DPP6: variants seen among roughly 807,000 people sequenced by gnomAD.
DPP6 encodes the protein dipeptidyl peptidase like 6, also known as A-type potassium channel modulatory protein DPP6.
In DPP6, 69 loss-of-function variants were observed where a neutral mutation model predicts 122.6. The observed-to-expected ratio is 0.56, with a 90% CI of 0.46 to 0.69. The LOEUF (loss-of-function observed/expected upper bound fraction) is 0.69. Ranked by LOEUF, DPP6 falls within the 30% of genes least tolerant of loss-of-function variation. DPP6 has a pLI of 0.00. For synonymous variants in DPP6, 418 were observed against 433.1 expected (o/e 0.97, Z 0.43); for missense variants, 928 against 1,116.9 (o/e 0.83, Z 2.41).
chr7:154,355,845 G>A (rs1476840672), intron 1 of DPP6, among the ~76,000 whole-genome samples: 1 of 152,082 alleles, frequency 6.6e-6, no homozygotes, highest in East Asian at 1.9e-4. Context: ...TAAAATTTTA[G>A]AATCGGCTTG....
chr7:154,757,370 C>T (rs1176451856), intron 8 of DPP6, among the ~76,000 whole-genome samples: 2 of 152,232 alleles, frequency 1.3e-5, no homozygotes, highest in Non-Finnish European at 2.9e-5. Flanking sequence ...CAGCTGATGC[C>T]CACTGCCCAG....
intron 10 of DPP6, among the ~76,000 whole-genome samples, chr7:154,777,197 A>C (rs998098611): frequency 6.6e-6 from 1 of 152,164 alleles, no homozygotes; most frequent in African/African-American, 2.4e-5. Flanking sequence ...CTCACATTCC[A>C]AGAGGCCTGG....
At chr7:154,823,006 C>T (rs1399746964) in intron 16 of DPP6, among the ~76,000 whole-genome samples, 2 of 152,190 alleles carry the variant, frequency 1.3e-5, no homozygotes, top group Admixed American at 6.5e-5. Flanking sequence ...CACTACCATA[C>T]TATACTTTGG....
chr7:153,808,477 A>T, the DPP6 span, among the ~76,000 whole-genome samples: 18 of 151,810 alleles, frequency 1.2e-4, no homozygotes, highest in African/African-American at 4.4e-4. Flanking sequence ...AACATTTAAG[A>T]TCTGCTCTCA....
intron 1 of DPP6, among the ~76,000 whole-genome samples, chr7:153,923,200 C>A (rs1800724357): frequency 6.6e-6 from 1 of 152,170 alleles, no homozygotes; most frequent in Admixed American, 6.5e-5. Flanking sequence ...GGAGACCATC[C>A]TTAGAATCCC....
chr7:154,175,935 A>G (rs1382393690), intron 1 of DPP6, among the ~76,000 whole-genome samples: 1 of 151,722 alleles, frequency 6.6e-6, no homozygotes, highest in East Asian at 2.0e-4. Context: ...TGACCCACCC[A>G]CCTCGGCCTC....
At chr7:154,348,441 A>G (rs1810575585) in intron 1 of DPP6, among the ~76,000 whole-genome samples, 1 of 152,188 alleles carries the variant, frequency 6.6e-6, no homozygotes, top group Non-Finnish European at 1.5e-5. Context: ...GAAGTTTCCA[A>G]TATCATTTTT....
intron 5 of DPP6, among the ~76,000 whole-genome samples, chr7:154,635,300 C>G (rs943916168): frequency 6.6e-6 from 1 of 152,034 alleles, no homozygotes; most frequent in Non-Finnish European, 1.5e-5. Flanking sequence ...TTCAGCTCAC[C>G]ACTGTCACCA....
the DPP6 span, among the ~76,000 whole-genome samples, chr7:153,791,242 A>T: frequency 5.9e-5 from 9 of 152,172 alleles, no homozygotes; most frequent in East Asian, 5.8e-4. Flanking sequence ...TTAGTGTTCC[A>T]CCTGAGAGCG....
the DPP6 span, among the ~76,000 whole-genome samples, chr7:153,849,050 C>G: frequency 3.9e-5 from 6 of 152,064 alleles, no homozygotes; most frequent in Non-Finnish European, 7.3e-5. Flanking sequence ...AAGTTCCCTA[C>G]CCCTAGGGAA....
chr7:154,587,417 T>C (rs118055633), intron 5 of DPP6: 7,153 of 589,292 alleles, frequency 0.012, 59 homozygotes, highest in Non-Finnish European at 0.016. Context: ...GCTGCCGCTT[T>C]CCACCTGTCC....
chr7:154,120,247 C>CT (rs752134239), intron 1 of DPP6, among the ~76,000 whole-genome samples: 5,524 of 144,316 alleles, frequency 0.038, 123 homozygotes, highest in Non-Finnish European at 0.059. Flanking sequence ...TTTCTCTCTT[C>CT]TTTTTTTTTT....
At chr7:154,526,857 A>G (rs1586544716) in intron 3 of DPP6, among the ~76,000 whole-genome samples, 1 of 152,204 alleles carries the variant, frequency 6.6e-6, no homozygotes, top group South Asian at 2.1e-4. Context: ...ATAGGCTCCC[A>G]GCTCCTGACT....
At chr7:154,191,854 T>C (rs549192582) in intron 1 of DPP6, among the ~76,000 whole-genome samples, 1 of 152,364 alleles carries the variant, frequency 6.6e-6, no homozygotes, top group East Asian at 1.9e-4. Flanking sequence ...GTTCTGGCTA[T>C]TAGCCACTGT....
rs747540166 is a variant in DPP6 at position 153,947,010 on chromosome 7, C to T, written c.51+59276C>T. Among the ~76,000 whole-genome samples the T allele has an allele frequency of 5.9e-5, 9 of 152,110 alleles. No homozygotes were observed. The East Asian group carries it at 9.7e-4, about 16-fold the overall frequency. On this transcript the variant is annotated intron_variant, in intron 1 of 25. Coordinates refer to the DPP6 transcript ENST00000404039. ...CTAGTTTCAGTCCCGTCTTTGCTGA[C>T]GGTGTGATATTCCTGAGGCCACCGG...
At position 154,596,637 on chromosome 7, in the gene DPP6, G is replaced by A. The variant is rs1298851977; in HGVS notation, c.627+29721G>A. Reference sequence around the variant, plus strand: ...GAGTACTTTGTAGTTTAAGTAGGAGGGAGGACTCGGGTATCTGGAGATGGG... The same window carrying A: ...GAGTACTTTGTAGTTTAAGTAGGAGAGAGGACTCGGGTATCTGGAGATGGG... On this transcript the variant is annotated intron_variant, in intron 5 of 25. Transcript: ENST00000377770. Among the ~76,000 whole-genome samples, 3 of 152,182 alleles carry A rather than the reference G, an allele frequency of 2.0e-5. No individual in the cohort carries two copies. In the South Asian group the frequency reaches 6.2e-4, roughly 31 times the overall value.
chr7:153,966,065 C>A (rs1795696010), intron 1 of DPP6, among the ~76,000 whole-genome samples: 1 of 128,532 alleles, frequency 7.8e-6, no homozygotes, highest in Non-Finnish European at 1.7e-5. Flanking sequence ...TAAAAGGAAT[C>A]ATCCTGACGT....
chr7:154,759,325 G>C (rs1307205813), intron 8 of DPP6, among the ~76,000 whole-genome samples: 11 of 152,222 alleles, frequency 7.2e-5, no homozygotes, highest in Non-Finnish European at 1.6e-4. Flanking sequence ...CACATCAGCA[G>C]GCAATTAACA....
chr7:154,470,649 G>A (rs374670144), intron 2 of DPP6, among the ~76,000 whole-genome samples: 29 of 152,316 alleles, frequency 1.9e-4, no homozygotes, highest in Admixed American at 1.8e-3. Flanking sequence ...ATTGGCCACC[G>A]TAAAGAGTAA....
Sources: gnomAD v4.1 joint callset for allele counts (sites outside exome capture counted in the v4.1 genomes callset) on GRCh38, gnomAD v4.1.1 for gene constraint, MANE v1.5 for transcripts, NCBI Gene and HGNC (gene_info 2026-07-23, HGNC 2026-07-21) for gene names.